Variants in ST3GAL3 observed in about 807,000 individuals in gnomAD.
ST3GAL3 encodes the protein CMP-N-acetylneuraminate-beta-1,4-galactoside alpha-2,3-sialyltransferase.
In ST3GAL3, 21 loss-of-function variants were observed where a neutral mutation model predicts 50.1. The ratio of observed to expected loss-of-function variants is 0.42; its 90% confidence interval spans 0.30 to 0.60. The LOEUF is 0.60. Among genes scored for constraint, ST3GAL3 ranks in the 20% least tolerant of loss-of-function variants. ST3GAL3 has a pLI of 0.19. For missense variants in ST3GAL3, 353 were observed against 489.4 expected, an observed-to-expected ratio of 0.72 and a Z score of 2.63; for synonymous variants, 183 against 190.0, an observed-to-expected ratio of 0.96 and a Z score of 0.30.
intron 9 of ST3GAL3, among the ~76,000 whole-genome samples, chr1:43,904,702 CGCT>C (rs2078858490): frequency 6.6e-6 from 1 of 150,544 alleles, no homozygotes; most frequent in African/African-American, 2.4e-5. Context: ...CTCTTCCTCC[CGCT>C]CCCTGTCACT....
chr1:43,875,328 A>C (rs1339197467), intron 5 of ST3GAL3, among the ~76,000 whole-genome samples: 1 of 152,168 alleles, frequency 6.6e-6, no homozygotes, highest in African/African-American at 2.4e-5. Flanking sequence ...TTTAGTTATT[A>C]GCAGCGACCT....
chr1:43,892,750 C>T (rs925025655), intron 5 of ST3GAL3, among the ~76,000 whole-genome samples: 1 of 152,060 alleles, frequency 6.6e-6, no homozygotes, highest in Non-Finnish European at 1.5e-5. Context: ...CAGATAAAAT[C>T]CTGTCCAAGC....
At chr1:43,778,427 G>A (rs1053816802) in intron 2 of ST3GAL3, among the ~76,000 whole-genome samples, 3 of 152,228 alleles carry the variant, frequency 2.0e-5, no homozygotes, top group East Asian at 1.9e-4. Flanking sequence ...CTTAAAAGCT[G>A]ATGGGAAAAA....
intron 5 of ST3GAL3, among the ~76,000 whole-genome samples, chr1:43,874,079 A>G (rs1245096528): frequency 1.3e-5 from 2 of 152,114 alleles, no homozygotes; most frequent in African/African-American, 4.8e-5. Flanking sequence ...AGTATTACAA[A>G]AGGAGTAATT....
chr1:43,876,530 G>C (rs947403835), intron 5 of ST3GAL3, among the ~76,000 whole-genome samples: 1 of 152,206 alleles, frequency 6.6e-6, no homozygotes, highest in Admixed American at 6.5e-5. Flanking sequence ...GGCAGGAAAG[G>C]CTAGAGATTT....
chr1:43,917,543 TGTATTATATATA>T (rs2082129287), intron 9 of ST3GAL3, among the ~76,000 whole-genome samples: 1 of 76,672 alleles, frequency 1.3e-5, no homozygotes, highest in Admixed American at 2.5e-4. Flanking sequence ...TAATATATTA[TGTATTATATATA>T]ATATATTATA....
At chr1:43,925,322 T>A (rs2083733696) in intron 11 of ST3GAL3, among the ~76,000 whole-genome samples, 2 of 112,922 alleles carry the variant, frequency 1.8e-5, no homozygotes, top group Admixed American at 2.0e-4. Flanking sequence ...GAGTGTAGCT[T>A]CTCAAATCAT....
intron 5 of ST3GAL3, among the ~76,000 whole-genome samples, chr1:43,853,448 A>G (rs1199846190): frequency 1.3e-5 from 2 of 152,230 alleles, no homozygotes; most frequent in East Asian, 1.9e-4. Context: ...TAGAGAAGTC[A>G]AGCAGTTTGC....
At chr1:43,863,330 G>A (rs2154236616) in intron 5 of ST3GAL3, among the ~76,000 whole-genome samples, 1 of 152,330 alleles carries the variant, frequency 6.6e-6, no homozygotes, top group East Asian at 1.9e-4. Context: ...ACTCCAGGCT[G>A]AAGGCAGTCA....
intron 5 of ST3GAL3, among the ~76,000 whole-genome samples, chr1:43,842,966 A>G (rs1384477389): frequency 6.6e-6 from 1 of 152,058 alleles, no homozygotes; most frequent in Non-Finnish European, 1.5e-5. Context: ...TCCCTAGTCT[A>G]TTCTGTTGAT....
chr1:43,824,750 A>G, intron 4 of ST3GAL3: 1 of 1,613,992 alleles, frequency 6.2e-7, no homozygotes, highest in Non-Finnish European at 8.5e-7. Context: ...GACTCTCTGC[A>G]CGGTGGTTTT....
chr1:43,719,708 G>A (rs1470489900), intron 1 of ST3GAL3, among the ~76,000 whole-genome samples: 4 of 132,640 alleles, frequency 3.0e-5, no homozygotes, highest in Non-Finnish European at 5.3e-5. Context: ...TGAGGTGGGC[G>A]GATCACTTGA....
At chr1:43,812,617 A>G (rs1253728160) in intron 3 of ST3GAL3, among the ~76,000 whole-genome samples, 3 of 152,192 alleles carry the variant, frequency 2.0e-5, no homozygotes, top group Non-Finnish European at 4.4e-5. Context: ...GTGCAACAAC[A>G]TGCTCAGCTA....
At chr1:43,851,257 A>G (rs1205753471) in intron 5 of ST3GAL3, 30 of 1,576,616 alleles carry the variant, frequency 1.9e-5, no homozygotes, top group South Asian at 5.5e-5. Flanking sequence ...TGGACGTGGC[A>G]GAGATTTTCT....
intron 5 of ST3GAL3, among the ~76,000 whole-genome samples, chr1:43,889,103 G>T (rs1013744300): frequency 6.6e-6 from 1 of 151,664 alleles, no homozygotes; most frequent in Non-Finnish European, 1.5e-5. Context: ...AATTATAATG[G>T]AGTGCTCACC....
At chr1:43,820,973 G>A (rs2062018450) in intron 4 of ST3GAL3, among the ~76,000 whole-genome samples, 1 of 152,188 alleles carries the variant, frequency 6.6e-6, no homozygotes. Flanking sequence ...CAGGGATATA[G>A]CCCAAAAATG....
chr1:43,791,977 G>C lies in ST3GAL3; in HGVS notation c.119-125G>C, dbSNP rs79803378. ...GGGTGGGCATGGGCCTGGGAGGCTG[G>C]GCTGTTCGACTGAGTTCCCTTCCAG... On this transcript the variant is annotated intron_variant, in intron 2 of 11. Coordinates refer to ENST00000347631, the MANE Select transcript of ST3GAL3 (RefSeq NM_006279.5). 2.2e-3 allele frequency: 2,511 copies of C among 1,128,776 alleles called. 49 individuals are homozygous for C. The African/African-American group carries it at 0.035, about 16-fold the overall frequency. The allele number at this position is 1,128,776 out of a possible 1,614,324, so 69.9% of individuals were successfully genotyped here. A position where few individuals can be genotyped will look rare whatever the true frequency, so the allele number is the denominator to read the frequency against.
Position 43,737,272 on chromosome 1 carries a change from A to G in ST3GAL3, c.118+892A>G, listed in dbSNP as rs1678927561. 1 of 152,256 alleles carries G rather than the reference A, an allele frequency of 6.6e-6. No individual in the cohort carries two copies. Among genetic ancestry groups the G allele is most frequent in the South Asian group, 2.1e-4 (1 of 4,828 alleles). The allele number at this position is 152,256 out of a possible 1,614,324, so 9.4% of individuals were successfully genotyped here. Reference sequence around the variant, plus strand: ...AGTTTTATTTTTACTAACATCTACCAGATACCAGTATAGAACTCACTTGAG... The same window carrying G: ...AGTTTTATTTTTACTAACATCTACCGGATACCAGTATAGAACTCACTTGAG... On this transcript the variant is annotated intron_variant, in intron 2 of 11. Coordinates refer to ENST00000347631, the MANE Select transcript of ST3GAL3 (RefSeq NM_006279.5). The surrounding 1 kb of genome is among the most constrained non-coding windows in gnomAD (Gnocchi z 4.0).
chr1:43,731,316 A>G (rs1050410416), intron 1 of ST3GAL3, among the ~76,000 whole-genome samples: 8 of 151,130 alleles, frequency 5.3e-5, no homozygotes, highest in Non-Finnish European at 7.4e-5. Context: ...GGTTCAAGCG[A>G]TTCCCCTGCC....
Sources: allele counts gnomAD v4.1 joint callset (sites outside exome capture counted in the v4.1 genomes callset), GRCh38; gene constraint gnomAD v4.1.1; non-coding constraint Gnocchi (gnomAD v3.1); transcripts MANE v1.5; gene names NCBI Gene and HGNC (gene_info 2026-07-23, HGNC 2026-07-21).